FAM3A: variants seen among roughly 807,000 people sequenced by gnomAD.
FAM3A encodes the protein protein FAM3A.
In FAM3A, 5 loss-of-function variants were observed where a neutral mutation model predicts 18.1. The ratio of observed to expected loss-of-function variants is 0.28; its 90% CI spans 0.14 to 0.58. The LOEUF (loss-of-function observed/expected upper bound fraction) is 0.58, where lower values mean the gene tolerates loss of function less well. FAM3A is among the 20% of genes least tolerant of loss of function. FAM3A has a pLI of 0.91. For synonymous variants in FAM3A, 108 were observed against 90.2 expected (o/e 1.20, Z -1.12); for missense variants, 154 against 216.6 (o/e 0.71, Z 1.81).
intron 4 of FAM3A, 23 bp from the exon 5 acceptor site, chrX:154,508,370 G>GGGGGGGGGGCCCCCCCCCCCCC: frequency 3.2e-6 from 1 of 317,091 alleles, no homozygotes; most frequent in Non-Finnish European, 5.5e-6. Context: ...GGGTGGGGGG[G>GGGGGGGGGGCCCCCCCCCCCCC]ACGGGGAGAT....
intron 1 of FAM3A, among the ~76,000 whole-genome samples, chrX:154,513,275 T>C (rs926697300): frequency 9.0e-6 from 1 of 111,475 alleles, no homozygotes; most frequent in Non-Finnish European, 1.9e-5. Context: ...ACCAATATAT[T>C]TGGGCATCCA....
chrX:154,514,565 G>A (rs782463545), intron 1 of FAM3A, among the ~76,000 whole-genome samples: 29 of 111,563 alleles, frequency 2.6e-4, no homozygotes, highest in East Asian at 2.0e-3. Context: ...CACCACGCCC[G>A]GCTAATTTTT....
intron 1 of FAM3A, among the ~76,000 whole-genome samples, chrX:154,513,440 A>G (rs1313599580): frequency 9.0e-6 from 1 of 110,737 alleles, no homozygotes; most frequent in Non-Finnish European, 1.9e-5. Context: ...GACCAGCCTG[A>G]CAAAGATGGT....
chrX:154,506,885 T>C lies in FAM3A; in HGVS notation c.619A>G (p.Ser207Gly), dbSNP rs953850219. 3 of 1,210,051 alleles carry C rather than the reference T, an allele frequency of 2.5e-6. No homozygotes were observed. The highest frequency in any genetic ancestry group is 1.7e-5 in the African/African-American group (1 of 57,591). ...FEQHVKNSKH[S>G]NKYEGWPEAL... ...TCGGGCCAGCCTTCGTACTTGTTGCTGTGCTTACTGTTCTTCACGTGCTGT... is the reference window on the plus strand; with the variant it reads ...TCGGGCCAGCCTTCGTACTTGTTGCCGTGCTTACTGTTCTTCACGTGCTGT... The change falls in exon 9 of 9, where the codon AGC (serine) becomes GGC (glycine). Residue 207 changes from serine (S) to glycine (G), a missense_variant. Transcript: ENST00000447601.
In FAM3A at chrX:154,512,329, C is replaced by T. The variant is rs782448502; in HGVS notation, c.128-458G>A. On this transcript the variant is annotated intron_variant, in intron 2 of 8. Coordinates refer to ENST00000447601, the MANE Select transcript of FAM3A (RefSeq NM_021806.4). ...TGGTGCGCACCTGTAGTCTCAGCTACTCGGGAGGCTGGGGCACTAGAATCG... is the reference window on the plus strand; with the variant it reads ...TGGTGCGCACCTGTAGTCTCAGCTATTCGGGAGGCTGGGGCACTAGAATCG... 5 of 258,004 alleles carry T rather than the reference C, an allele frequency of 1.9e-5. 1 individual carries two copies. Among genetic ancestry groups the T allele is most frequent in the South Asian group, 1.8e-4 (4 of 22,416 alleles). The allele number at this position is 258,004 out of a possible 1,213,427, so 21.3% of individuals were successfully genotyped here.
Position 154,512,928 on chromosome X carries a change from G to A in FAM3A, c.22C>T (p.Arg8Cys), listed in dbSNP as rs782017805. Residue 8 changes from arginine (R) to cysteine (C), a missense_variant, in exon 2 of 9, where the codon CGC (arginine) becomes TGC (cysteine). Physicochemically the swap from Arg to Cys is radical, Grantham distance 180. Around this residue, in one of 3 missense-constraint regions of FAM3A, gnomAD observed 112 missense variants for 160.0 expected, o/e 0.70. Coordinates refer to ENST00000447601, the MANE Select transcript of FAM3A (RefSeq NM_021806.4). ...ACACTGACGACTAGGACCACAATGC[G>A]GAGAGGGCCTGGAGGCAGGATAGAC... The part of the protein sequence containing the change: MRLAGPL[R>C]IVVLVVSVGV... 10 of 1,199,975 alleles carry A rather than the reference G, an allele frequency of 8.3e-6. No individual in the cohort carries two copies. Among genetic ancestry groups the A allele is most frequent in the Admixed American group, 2.2e-5 (1 of 45,749 alleles).
At chrX:154,507,682 CCT>C (rs1557219780) in intron 6 of FAM3A, 127 bp downstream of exon 6, 17 of 853,462 alleles carry the variant, frequency 2.0e-5, no homozygotes, top group Non-Finnish European at 8.5e-6. Context: ...TGGCGATGCC[CCT>C]GTCCTTTCTG....
chrX:154,515,051 T>G (rs782389853), intron 1 of FAM3A, among the ~76,000 whole-genome samples: 39 of 99,693 alleles, frequency 3.9e-4, no homozygotes, highest in African/African-American at 1.3e-3. Context: ...AACTCCTGAC[T>G]TCAAGTGATC....
chrX:154,509,236 A>T (rs1348626888), intron 3 of FAM3A: 1 of 133,661 alleles, frequency 7.5e-6, no homozygotes, highest in Non-Finnish European at 1.5e-5. Context: ...CAGTGGAGGA[A>T]GAGACAGGAG....
intron 6 of FAM3A, 115 bp from the exon 7 acceptor site, chrX:154,507,605 G>T: frequency 1.1e-6 from 1 of 883,523 alleles, no homozygotes; most frequent in Admixed American, 2.6e-5. Flanking sequence ...GACATGCCCC[G>T]CCAAGGGACA....
Position 154,506,862 on chromosome X carries a change from G to C in FAM3A, c.642C>G (p.Pro214=), listed in dbSNP as rs200836674. 1.1e-5 allele frequency: 13 copies of C among 1,210,573 alleles called. No homozygotes were observed. In the Admixed American group the frequency reaches 1.3e-4, roughly 12 times the overall value. Residue 214 remains proline (P), a synonymous_variant, in exon 9 of 9, where the codon CCC becomes CCG. Transcript: ENST00000447601. ...SKHSNKYEGW[P]EALEMEGCIP... ...TACAGCCTTCCATCTCCAGCGCCTC[G>C]GGCCAGCCTTCGTACTTGTTGCTGT...
chrX:154,511,939 TCCTTACACCGCGAAGTG>T, intron 2 of FAM3A, 68 bp from the exon 3 acceptor site: 2 of 1,022,207 alleles, frequency 2.0e-6, no homozygotes, highest in South Asian at 3.9e-5. Flanking sequence ...AGCCTGGCCC[TCCTTACACCGCGAAGTG>T]TAGACACAGG....
Position 154,515,884 on chromosome X carries a change from G to T in FAM3A, c.-112C>A. ...GCAAGCCTGTGCGGGACCCCTGCTG[G>T]GGGCGGGCGCGATCGGTGCTACGAC... On this transcript the variant is annotated 5_prime_UTR_variant, in exon 1 of 9. Transcript: ENST00000447601. 1.2e-6 allele frequency: 1 copy of T among 829,644 alleles called. No individual in the cohort carries two copies. Among genetic ancestry groups the T allele is most frequent in the Non-Finnish European group, 1.8e-6 (1 of 562,350 alleles). The allele number at this position is 829,644 out of a possible 1,213,427, so 68.4% of individuals were successfully genotyped here.
At chrX:154,507,782 A>G in intron 6 of FAM3A, 29 bp downstream of exon 6, 8 of 1,170,540 alleles carry the variant, frequency 6.8e-6, no homozygotes, top group Non-Finnish European at 9.2e-6. Flanking sequence ...TGCTGCAGTC[A>G]AAATGCAAGA....
rs782085467 is a variant in FAM3A, at chrX:154,508,720, G to T, written c.152-123C>A. ...ACCGCAGAGCAGGACACAAGTAGGG[G>T]GATGTGGCTCAGGCCGAGGCTGGGG... On this transcript the variant is annotated intron_variant, in intron 3 of 8. Coordinates refer to ENST00000447601, the MANE Select transcript of FAM3A (RefSeq NM_021806.4). 4.1e-5 allele frequency: 36 copies of T among 884,275 alleles called. No homozygotes were observed. The South Asian group carries it at 6.9e-4, about 17-fold the overall frequency. The allele number at this position is 884,275 out of a possible 1,213,427, so 72.9% of individuals were successfully genotyped here.
intron 3 of FAM3A, 99 bp from the exon 4 acceptor site, chrX:154,508,696 C>G (rs1230407351): frequency 9.9e-7 from 1 of 1,014,393 alleles, no homozygotes; most frequent in African/African-American, 1.9e-5. Context: ...GAACAAGTGA[C>G]CGCAGAGCAG....
intron 3 of FAM3A, 65 bp downstream of exon 3, chrX:154,511,783 T>C: frequency 9.1e-7 from 1 of 1,094,260 alleles, no homozygotes; most frequent in Non-Finnish European, 1.3e-6. Context: ...ACCGAAGCCC[T>C]ACGGGACCGG....
At chrX:154,509,387 G>T (rs782658118) in intron 3 of FAM3A, 24 of 113,473 alleles carry the variant, frequency 2.1e-4, no homozygotes, top group Non-Finnish European at 4.1e-4. Context: ...AATGGGGAGA[G>T]AATCCATTTC....
At position 154,515,877 on chromosome X, in the gene FAM3A, C is replaced by T; in HGVS notation, c.-105G>A. The T allele has an allele frequency of 1.1e-6, 1 of 910,359 alleles. No individual in the cohort carries two copies. The highest frequency in any genetic ancestry group is 1.6e-6 in the Non-Finnish European group (1 of 632,164). 75.0% of individuals were successfully genotyped at this position (910,359 alleles called of 1,213,427 possible). A position where few individuals can be genotyped will look rare whatever the true frequency, so the allele number is the denominator to read the frequency against. On this transcript the variant is annotated 5_prime_UTR_variant, in exon 1 of 9. Coordinates refer to ENST00000447601, the MANE Select transcript of FAM3A (RefSeq NM_021806.4). Reference sequence around the variant, plus strand: ...GTCAGGGGCAAGCCTGTGCGGGACCCCTGCTGGGGGCGGGCGCGATCGGTG... The same window carrying T: ...GTCAGGGGCAAGCCTGTGCGGGACCTCTGCTGGGGGCGGGCGCGATCGGTG...
Sources: allele counts gnomAD v4.1 joint callset (sites outside exome capture counted in the v4.1 genomes callset), GRCh38; gene constraint gnomAD v4.1.1; regional missense constraint gnomAD v4.1.1; transcripts MANE v1.5; gene names NCBI Gene and HGNC (gene_info 2026-07-23, HGNC 2026-07-21).